The following DTWD1 variants were observed in gnomAD, a reference collection of about 807,000 sequenced individuals.
DTWD1 encodes DTW motif tRNA-uridine aminocarboxypropyltransferase 1.
In DTWD1, 27 loss-of-function variants were observed where a neutral mutation model predicts 30.2. That is an observed-to-expected ratio of 0.90 (90% confidence interval 0.66 to 1.23). DTWD1 has a LOEUF of 1.23. DTWD1 is among the 50% of genes most tolerant of loss of function. DTWD1 has a pLI of 0.00. For missense variants in DTWD1, 342 were observed against 348.8 expected (o/e 0.98, Z 0.15); for synonymous variants, 99 against 113.1 (o/e 0.88, Z 0.79).
intron 2 of DTWD1, chr15:49,631,020 G>C (rs773165070): frequency 9.3e-5 from 41 of 442,796 alleles, no homozygotes; most frequent in Non-Finnish European, 1.5e-4. Context: ...TCAAGTTGCA[G>C]GAAAACCAGC....
At chr15:49,629,291 T>G (rs983612086) in intron 2 of DTWD1, among the ~76,000 whole-genome samples, 9 of 152,198 alleles carry the variant, frequency 5.9e-5, no homozygotes, top group Non-Finnish European at 1.2e-4. Flanking sequence ...TGTGTACAGG[T>G]TTTGCATAAT....
intron 2 of DTWD1, 67 bp downstream of exon 2, chr15:49,625,498 T>C: frequency 7.5e-7 from 1 of 1,327,082 alleles, no homozygotes. Context: ...CATGTATACC[T>C]ACTCTAATTG....
rs2079150309 is a variant in DTWD1 at position 49,651,239 on chromosome 15, CAG to C, written c.*7663_*7664del. ...AGAATAAATACTGGAAGATCAAGCA[CAG>C]AAAGTCTAGAATAGAGGCATGTGAA... is the stretch of plus-strand genomic sequence containing the variant. On this transcript the variant is annotated 3_prime_UTR_variant, in exon 5 of 5. Transcript: ENST00000403028. 1 of 152,070 alleles carries C rather than the reference CAG, an allele frequency of 6.6e-6. No homozygotes were observed. Among genetic ancestry groups the C allele is most frequent in the South Asian group, 2.1e-4 (1 of 4,820 alleles). The allele number at this position is 152,070 out of a possible 1,614,324, so 9.4% of individuals were successfully genotyped here. A position where few individuals can be genotyped will look rare whatever the true frequency, so the allele number is the denominator to read the frequency against.
rs2079130420 is a variant in DTWD1, at chr15:49,647,900, A to T, written c.*4322A>T. 2 of 152,146 alleles carry T rather than the reference A, an allele frequency of 1.3e-5. No individual in the cohort carries two copies. The highest frequency in any genetic ancestry group is 2.9e-5 in the Non-Finnish European group (2 of 68,008). The allele number at this position is 152,146 out of a possible 1,614,324, so 9.4% of individuals were successfully genotyped here. A position where few individuals can be genotyped will look rare whatever the true frequency, so the allele number is the denominator to read the frequency against. On this transcript the variant is annotated 3_prime_UTR_variant, in exon 5 of 5. Coordinates refer to ENST00000403028, the MANE Select transcript of DTWD1 (RefSeq NM_001144955.2). ...AACAAGCAATAAAAAAGATCTCAGAAATTTAAAAAGTGATTGCTGAAATAA... is the reference window on the plus strand; with the variant it reads ...AACAAGCAATAAAAAAGATCTCAGATATTTAAAAAGTGATTGCTGAAATAA...
chr15:49,652,738 G>A lies in DTWD1; in HGVS notation c.*9160G>A, dbSNP rs553205568. The A allele has an allele frequency of 2.6e-5, 4 of 152,176 alleles. No homozygotes were observed. Among genetic ancestry groups the A allele is most frequent in the African/African-American group, 9.6e-5 (4 of 41,534 alleles). The allele number at this position is 152,176 out of a possible 1,614,324, so 9.4% of individuals were successfully genotyped here. A position where few individuals can be genotyped will look rare whatever the true frequency, so the allele number is the denominator to read the frequency against. ...TAGGAACTGCTCCCTAAGCATACAG[G>A]GAGACATAGATCTATGTGGAGCAAA... On this transcript the variant is annotated 3_prime_UTR_variant, in exon 5 of 5. Transcript: ENST00000403028.
Position 49,652,445 on chromosome 15 carries a change from A to C in DTWD1, c.*8867A>C, listed in dbSNP as rs994729433. 1 of 152,156 alleles carries C rather than the reference A, an allele frequency of 6.6e-6. No individual in the cohort carries two copies. The highest frequency in any genetic ancestry group is 2.4e-5 in the African/African-American group (1 of 41,436). 9.4% of individuals were successfully genotyped at this position (152,156 alleles called of 1,614,324 possible). On this transcript the variant is annotated 3_prime_UTR_variant, in exon 5 of 5. Coordinates refer to ENST00000403028, the MANE Select transcript of DTWD1 (RefSeq NM_001144955.2). The stretch of plus-strand genomic sequence containing the variant: ...ATTGAGACTAATGTGTAGGTGTGGC[A>C]ACCCATCCTCAAAAGGGCATGATGG...
rs1295211646 is a variant in DTWD1 at position 49,649,384 on chromosome 15, A to G, written c.*5806A>G. On this transcript the variant is annotated 3_prime_UTR_variant, in exon 5 of 5. Coordinates refer to ENST00000403028, the MANE Select transcript of DTWD1 (RefSeq NM_001144955.2). ...TTGAGATAAAGATGCTTAGGAGAATACTGAAGATGTTTTCCAGTAAAACGG... is the reference window on the plus strand; with the variant it reads ...TTGAGATAAAGATGCTTAGGAGAATGCTGAAGATGTTTTCCAGTAAAACGG... 8 of 152,222 alleles carry G rather than the reference A, an allele frequency of 5.3e-5. No individual in the cohort carries two copies. Among genetic ancestry groups the G allele is most frequent in the African/African-American group, 1.4e-4 (6 of 41,454 alleles). The allele number at this position is 152,222 out of a possible 1,614,324, so 9.4% of individuals were successfully genotyped here.
Position 49,646,186 on chromosome 15 carries a change from A to T in DTWD1, c.*2608A>T, listed in dbSNP as rs1314346172. ...GGCCAGCCAAACCCAAGATATGTGAATGATTCCAGCCAAGATCAGCAGAGT... is the reference window on the plus strand; with the variant it reads ...GGCCAGCCAAACCCAAGATATGTGATTGATTCCAGCCAAGATCAGCAGAGT... On this transcript the variant is annotated 3_prime_UTR_variant, in exon 5 of 5. Coordinates refer to ENST00000403028, the MANE Select transcript of DTWD1 (RefSeq NM_001144955.2). 1 of 152,250 alleles carries T rather than the reference A, an allele frequency of 6.6e-6. No homozygotes were observed. The highest frequency in any genetic ancestry group is 1.9e-4 in the East Asian group (1 of 5,194). The allele number at this position is 152,250 out of a possible 1,614,324, so 9.4% of individuals were successfully genotyped here.
chr15:49,637,989 T>A, intron 4 of DTWD1, among the ~76,000 whole-genome samples: 1 of 152,332 alleles, frequency 6.6e-6, no homozygotes, highest in Middle Eastern at 3.4e-3. Context: ...ATAAGATCTT[T>A]AAGAAATTTT....
intron 1 of DTWD1, among the ~76,000 whole-genome samples, chr15:49,624,897 T>A: frequency 6.6e-6 from 1 of 152,166 alleles, no homozygotes; most frequent in Non-Finnish European, 1.5e-5. Context: ...TCTTGAAAAA[T>A]GGATTCTCAG....
At position 49,625,267 on chromosome 15, in the gene DTWD1, G is replaced by T; in HGVS notation, c.100G>T (p.Asp34Tyr). Reference protein sequence around the residue: ...QSQTTSIASEDPLQNLCLASQ... With the variant: ...QSQTTSIASEYPLQNLCLASQ... The stretch of plus-strand genomic sequence containing the variant: ...ACAAACTACTTCCATAGCTTCAGAA[G>T]ATCCCCTTCAAAACTTATGTTTAGC... The change falls in exon 2 of 5, where the codon GAT becomes TAT. Residue 34 changes from aspartate to tyrosine, a missense_variant. Asp to Tyr is a radical substitution (Grantham distance 160). Coordinates refer to ENST00000403028, the MANE Select transcript of DTWD1 (RefSeq NM_001144955.2). 1 of 1,613,602 alleles carries T rather than the reference G, an allele frequency of 6.2e-7. No homozygotes were observed. The highest frequency in any genetic ancestry group is 8.5e-7 in the Non-Finnish European group (1 of 1,179,738).
At position 49,634,533 on chromosome 15, in the gene DTWD1, T is replaced by C. The variant is rs768437350; in HGVS notation, c.409-3T>C. On this transcript the variant is annotated splice_polypyrimidine_tract_variant and splice_region_variant and intron_variant, in intron 3 of 4. Transcript: ENST00000403028. Reference sequence around the variant, plus strand: ...ACTGCTAACCCAATTTTCTTTGTTTTAGGTTGCACTCATTTTTCCTGGACC... The same window carrying C: ...ACTGCTAACCCAATTTTCTTTGTTTCAGGTTGCACTCATTTTTCCTGGACC... 13 of 1,603,012 alleles carry C rather than the reference T, an allele frequency of 8.1e-6. No homozygotes were observed. Among genetic ancestry groups the C allele is most frequent in the Non-Finnish European group, 1.1e-5 (13 of 1,175,854 alleles).
intron 2 of DTWD1, among the ~76,000 whole-genome samples, chr15:49,630,660 T>C (rs1283829559): frequency 6.6e-6 from 1 of 152,238 alleles, no homozygotes; most frequent in African/African-American, 2.4e-5. Context: ...AGAGACATGT[T>C]ACAGACAACA....
At position 49,625,448 on chromosome 15, in the gene DTWD1, A is replaced by C. The variant is rs2078829684; in HGVS notation, c.264+17A>C. The C allele has an allele frequency of 6.3e-7, 1 of 1,598,676 alleles. No homozygotes were observed. Among genetic ancestry groups the C allele is most frequent in the Non-Finnish European group, 8.5e-7 (1 of 1,171,542 alleles). On this transcript the variant is annotated intron_variant, in intron 2 of 4. Coordinates refer to ENST00000403028, the MANE Select transcript of DTWD1 (RefSeq NM_001144955.2). The stretch of plus-strand genomic sequence containing the variant: ...CTTGTGAAGGTTAGTAAGAAATTTA[A>C]TTGTTTGAAAGTATGAAAATAGATT...
At chr15:49,632,090 G>T in intron 2 of DTWD1, 69 bp from the exon 3 acceptor site, 1 of 1,325,286 alleles carries the variant, frequency 7.5e-7, no homozygotes, top group South Asian at 1.5e-5. Context: ...TAGCTTTAAA[G>T]ACCCTTTTTA....
chr15:49,623,094 A>C (rs1489130088), intron 1 of DTWD1, among the ~76,000 whole-genome samples: 2 of 152,212 alleles, frequency 1.3e-5, no homozygotes, highest in Non-Finnish European at 2.9e-5. Flanking sequence ...AGTAACTTTC[A>C]TGACATCCAC....
rs2153354551 is a variant in DTWD1, at chr15:49,647,846, C to G, written c.*4268C>G. Reference sequence around the variant, plus strand: ...TCAAAATAAGAGTATATTATATTCACAAAACAAGAATAGGAGAGTGTGAAA... The same window carrying G: ...TCAAAATAAGAGTATATTATATTCAGAAAACAAGAATAGGAGAGTGTGAAA... On this transcript the variant is annotated 3_prime_UTR_variant, in exon 5 of 5. Coordinates refer to ENST00000403028, the MANE Select transcript of DTWD1 (RefSeq NM_001144955.2). The G allele has an allele frequency of 6.7e-6, 1 of 150,220 alleles. No individual in the cohort carries two copies. The highest frequency in any genetic ancestry group is 2.1e-4 in the South Asian group (1 of 4,768). 9.3% of individuals were successfully genotyped at this position (150,220 alleles called of 1,614,324 possible).
intron 2 of DTWD1, among the ~76,000 whole-genome samples, chr15:49,627,339 A>G (rs1308928878): frequency 2.0e-5 from 3 of 152,096 alleles, no homozygotes; most frequent in Non-Finnish European, 4.4e-5. Flanking sequence ...TTTTTACTTT[A>G]TTTTTATTTT....
chr15:49,621,817 T>C (rs1440495369), intron 1 of DTWD1, among the ~76,000 whole-genome samples: 1 of 152,178 alleles, frequency 6.6e-6, no homozygotes, highest in African/African-American at 2.4e-5. Flanking sequence ...AGGGTACTAC[T>C]ACCTTGGATT....
Sources: gnomAD v4.1 joint callset for allele counts (sites outside exome capture counted in the v4.1 genomes callset) on GRCh38, gnomAD v4.1.1 for gene constraint, MANE v1.5 for transcripts, NCBI Gene and HGNC (gene_info 2026-07-23, HGNC 2026-07-21) for gene names.